MAML3: variants seen among roughly 807,000 people sequenced by gnomAD.
The protein encoded by MAML3 is mastermind-like protein 3.
In MAML3, 27 loss-of-function variants were observed where a neutral mutation model predicts 101.9. The ratio of observed to expected loss-of-function variants is 0.27; its 90% CI spans 0.20 to 0.37. MAML3 has a LOEUF of 0.37. MAML3 is among the 10% of genes least tolerant of loss of function. The pLI, the probability that MAML3 is intolerant of heterozygous loss-of-function variation, is 1.00. For missense variants in MAML3, 1,316 were observed against 1,444.9 expected, an observed-to-expected ratio of 0.91 and a Z score of 1.45; for synonymous variants, 501 against 555.9, an observed-to-expected ratio of 0.90 and a Z score of 1.39.
intron 2 of MAML3, among the ~76,000 whole-genome samples, chr4:139,765,756 G>A (rs1484848974): frequency 6.6e-6 from 1 of 152,162 alleles, no homozygotes; most frequent in Non-Finnish European, 1.5e-5. Flanking sequence ...GGGAGGCTGA[G>A]GCAGGAGGAT....
Position 139,729,395 on chromosome 4 carries a change from G to T in MAML3, c.2331+1021C>A, listed in dbSNP as rs141280976. Among the ~76,000 whole-genome samples the T allele has an allele frequency of 5.2e-3, 790 of 152,252 alleles. 5 individuals carry two copies. Among genetic ancestry groups the T allele is most frequent in the African/African-American group, 0.018 (751 of 41,532 alleles). ...AGCACTTTGGGAGGCTGAGATGGGA[G>T]GATCGCTTGAGGCCAGAAGTTCGAG... On this transcript the variant is annotated intron_variant, in intron 3 of 4. Transcript: ENST00000509479.
At chr4:140,034,103 T>A (rs1241434506) in intron 1 of MAML3, among the ~76,000 whole-genome samples, 1 of 152,184 alleles carries the variant, frequency 6.6e-6, no homozygotes, top group African/African-American at 2.4e-5. Context: ...AAGGCTTCTA[T>A]CTCATTCACA....
At chr4:139,945,480 AAATAG>A (rs1733710991) in intron 1 of MAML3, among the ~76,000 whole-genome samples, 1 of 152,216 alleles carries the variant, frequency 6.6e-6, no homozygotes, top group Non-Finnish European at 1.5e-5. Context: ...ACCTCTTTTC[AAATAG>A]CCAAACATTT....
chr4:139,727,785 C>CA (rs1728536261), intron 3 of MAML3, among the ~76,000 whole-genome samples: 1 of 152,114 alleles, frequency 6.6e-6, no homozygotes, highest in Non-Finnish European at 1.5e-5. Flanking sequence ...TGTAAGATCC[C>CA]AAATCCTTCT....
chr4:140,042,913 G>A (rs959197593), intron 1 of MAML3, among the ~76,000 whole-genome samples: 2 of 152,162 alleles, frequency 1.3e-5, no homozygotes, highest in Non-Finnish European at 2.9e-5. Flanking sequence ...GATGTTGGGT[G>A]AGTCTCATAA....
At chr4:139,817,001 CCTT>C (rs1419691764) in intron 2 of MAML3, among the ~76,000 whole-genome samples, 2 of 152,220 alleles carry the variant, frequency 1.3e-5, no homozygotes, top group East Asian at 3.9e-4. Context: ...TGGTCTTCCT[CCTT>C]CTAGTTTGTC....
chr4:140,084,971 A>G (rs745361910), intron 1 of MAML3, among the ~76,000 whole-genome samples: 10 of 152,112 alleles, frequency 6.6e-5, no homozygotes, highest in Non-Finnish European at 1.5e-4. Context: ...AACGGTTTAC[A>G]TTGGGTTATA....
At chr4:139,825,857 A>G (rs556389545) in intron 2 of MAML3, among the ~76,000 whole-genome samples, 3 of 152,180 alleles carry the variant, frequency 2.0e-5, no homozygotes, top group African/African-American at 7.2e-5. Flanking sequence ...ATAGATAACC[A>G]GTCAGATGTG....
intron 1 of MAML3, among the ~76,000 whole-genome samples, chr4:140,028,370 T>C (rs1368713098): frequency 6.6e-6 from 1 of 152,162 alleles, no homozygotes; most frequent in East Asian, 1.9e-4. Context: ...CCAATGATAC[T>C]CTGAACAAGT....
At position 139,892,762 on chromosome 4, in the gene MAML3, TAA is replaced by T. The variant is rs578224730; in HGVS notation, c.469-1797_469-1796del. 1.4e-4 allele frequency among the ~76,000 whole-genome samples: 21 copies of T among 149,566 alleles called. No homozygotes were observed. The South Asian group carries it at 4.5e-3, about 32-fold the overall frequency. On this transcript the variant is annotated intron_variant, in intron 1 of 4. Transcript: ENST00000509479. ...AACACGGTGAAACCCCATCTGTGCT[TAA>T]AAAAAAAATTCAAAAAATTAGCCGG... is the stretch of plus-strand genomic sequence containing the variant.
chr4:140,031,433 T>C (rs10015157), intron 1 of MAML3, among the ~76,000 whole-genome samples: 4,820 of 152,268 alleles, frequency 0.032, 255 homozygotes, highest in African/African-American at 0.11. Context: ...AAGTTTCATA[T>C]GGCTTCCAAC....
intron 1 of MAML3, among the ~76,000 whole-genome samples, chr4:139,956,642 C>T (rs569165373): frequency 4.1e-4 from 62 of 152,204 alleles, no homozygotes; most frequent in Non-Finnish European, 7.5e-4. Flanking sequence ...AGAGATTGGG[C>T]ATTCCAGACT....
chr4:139,991,123 G>A (rs1734664114), intron 1 of MAML3, among the ~76,000 whole-genome samples: 1 of 152,142 alleles, frequency 6.6e-6, no homozygotes, highest in Admixed American at 6.5e-5. Flanking sequence ...AACAAAGCTG[G>A]AGGTATCACG....
chr4:139,853,947 G>C lies in MAML3; in HGVS notation c.2079+35410C>G, dbSNP rs948411230. ...AGCGATTCTCTTGCCTCAGCCTCCT[G>C]AGTAGCTGGGATTACAGGCATGCGC... On this transcript the variant is annotated intron_variant, in intron 2 of 4. Coordinates refer to ENST00000509479, the MANE Select transcript of MAML3 (RefSeq NM_018717.5). Among the ~76,000 whole-genome samples the C allele has an allele frequency of 1.1e-4, 16 of 152,022 alleles. No homozygotes were observed. In the East Asian group the frequency reaches 3.1e-3, roughly 30 times the overall value.
chr4:139,725,686 G>T, intron 4 of MAML3, 65 bp downstream of exon 4: 3 of 1,481,404 alleles, frequency 2.0e-6, no homozygotes, highest in Non-Finnish European at 2.8e-6. Context: ...AATGCCTCTG[G>T]CTACACATTC....
chr4:140,064,419 G>C (rs1390059346), intron 1 of MAML3, among the ~76,000 whole-genome samples: 1 of 152,190 alleles, frequency 6.6e-6, no homozygotes, highest in African/African-American at 2.4e-5. Context: ...AATGTAAAGG[G>C]AACACAAGTA....
At chr4:139,726,482 G>T (rs965597581) in intron 3 of MAML3, among the ~76,000 whole-genome samples, 6 of 152,156 alleles carry the variant, frequency 3.9e-5, no homozygotes, top group Admixed American at 1.3e-4. Context: ...CTGAGGGAAG[G>T]GGTTTTGACA....
intron 2 of MAML3, among the ~76,000 whole-genome samples, chr4:139,796,582 AG>A (rs753557165): frequency 6.6e-6 from 1 of 152,186 alleles, no homozygotes; most frequent in Non-Finnish European, 1.5e-5. Flanking sequence ...CTCAGAAGTA[AG>A]GGAATAATCT....
chr4:139,912,420 C>T (rs1005336896), intron 1 of MAML3, among the ~76,000 whole-genome samples: 12 of 152,150 alleles, frequency 7.9e-5, no homozygotes, highest in African/African-American at 2.2e-4. Context: ...ACAGCTAGTC[C>T]GTTACAGGAA....
Sources: allele counts gnomAD v4.1 joint callset (sites outside exome capture counted in the v4.1 genomes callset), GRCh38; gene constraint gnomAD v4.1.1; transcripts MANE v1.5; gene names NCBI Gene and HGNC (gene_info 2026-07-23, HGNC 2026-07-21).